The following PLG variants were observed in gnomAD, a reference collection of about 807,000 sequenced individuals.
PLG encodes plasminogen, also known as plasmin.
In PLG, 41 loss-of-function variants were observed where a neutral mutation model predicts 104.4. The observed-to-expected ratio is 0.39, with a 90% confidence interval of 0.31 to 0.51. PLG has a LOEUF of 0.51. Among genes scored for constraint, PLG ranks in the 20% least tolerant of loss-of-function variants. The probability of loss-of-function intolerance (pLI) is 0.76; values close to 1 mark genes in which losing one functional copy is unlikely to be tolerated. For missense variants in PLG, 891 were observed against 1,003.6 expected (o/e 0.89, Z 1.52); for synonymous variants, 337 against 357.1 (o/e 0.94, Z 0.63).
In PLG at chr6:160,752,301, C is replaced by G; in HGVS notation, c.2271+41C>G. On this transcript the variant is annotated intron_variant, in intron 18 of 18. Coordinates refer to ENST00000308192, the MANE Select transcript of PLG (RefSeq NM_000301.5). This position sits in a 1 kb window ranked among gnomAD's most constrained non-coding sequence, Gnocchi z 4.7. ...GAGACCAAAGTTAGTCTTGTGCTCT[C>G]TTGTCTCAGTCTCAGCCCCTCAGAC... 6.3e-7 allele frequency: 1 copy of G among 1,592,660 alleles called. No homozygotes were observed.
chr6:160,713,203 AG>A, intron 5 of PLG, 78 bp downstream of exon 5: 1 of 1,094,126 alleles, frequency 9.1e-7, no homozygotes, highest in South Asian at 1.2e-5. Flanking sequence ...CCCTTCCCAC[AG>A]GGATGTTATT....
chr6:160,705,559 G>C (rs1267662401), intron 1 of PLG: 1 of 152,158 alleles, frequency 6.6e-6, no homozygotes, highest in Non-Finnish European at 1.5e-5. Context: ...CTTCTTTGTT[G>C]GGGAGCTTCT....
chr6:160,740,243 G>A lies in PLG; in HGVS notation c.2018+1035G>A, dbSNP rs1170621242. 6.6e-6 allele frequency among the ~76,000 whole-genome samples: 1 copy of A among 152,182 alleles called. No homozygotes were observed. Among genetic ancestry groups the A allele is most frequent in the Non-Finnish European group, 1.5e-5 (1 of 68,018 alleles). On this transcript the variant is annotated intron_variant, in intron 16 of 18. Coordinates refer to ENST00000308192, the MANE Select transcript of PLG (RefSeq NM_000301.5). This position sits in a 1 kb window ranked among gnomAD's most constrained non-coding sequence, Gnocchi z 5.2. ...GCTCTGACACTCTAGAAGGAGAGAA[G>A]AGCCTTTCCAGCTCAGCCTTTATAA...
chr6:160,713,059 G>C lies in PLG; in HGVS notation c.481G>C (p.Gly161Arg). ...YCRNPDNDPQ[G>R]PWCYTTDPEK... ...CAGGAATCCAGACAACGATCCGCAGGGGCCCTGGTGCTATACTACTGATCC... is the reference window on the plus strand; with the variant it reads ...CAGGAATCCAGACAACGATCCGCAGCGGCCCTGGTGCTATACTACTGATCC... The change falls in exon 5 of 19, where the codon GGG (glycine) becomes CGG (arginine). Residue 161 changes from glycine to arginine, a missense_variant. By Grantham distance (125) the Gly-to-Arg change is moderately radical. Around this residue, in one of 2 missense-constraint regions of PLG, gnomAD observed 854 missense variants for 932.1 expected, o/e 0.92. Transcript: ENST00000308192. The C allele has an allele frequency of 6.2e-7, 1 of 1,608,674 alleles. No individual in the cohort carries two copies. The highest frequency in any genetic ancestry group is 2.2e-5 in the East Asian group (1 of 44,854).
intron 17 of PLG, among the ~76,000 whole-genome samples, chr6:160,743,150 T>G (rs1481339122): frequency 1.3e-5 from 2 of 152,160 alleles, no homozygotes; most frequent in African/African-American, 4.8e-5. Flanking sequence ...GGCTCCTTTT[T>G]GGTTATATAT....
At position 160,720,410 on chromosome 6, in the gene PLG, C is replaced by CTTTTTTTT. The variant is rs3057066; in HGVS notation, c.1096+1592_1096+1599dup. On this transcript the variant is annotated intron_variant, in intron 9 of 18. Coordinates refer to ENST00000308192, the MANE Select transcript of PLG (RefSeq NM_000301.5). ...TCTTTTCTCTTTTTTCTTTTCTTTT[C>CTTTTTTTT]TTTTTTTTTTTTTTTTTTTTTTTTT... Among the ~76,000 whole-genome samples, 440 of 58,530 alleles carry CTTTTTTTT rather than the reference C, an allele frequency of 7.5e-3. 96 individuals are homozygous for CTTTTTTTT. Among genetic ancestry groups the CTTTTTTTT allele is most frequent in the Middle Eastern group, 0.018 (1 of 56 alleles). The allele number at this position is 58,530 out of a possible 152,430, so 38.4% of individuals were successfully genotyped here.
chr6:160,714,796 G>A lies in PLG; in HGVS notation c.550G>A (p.Glu184Lys). ...TCCTTCCTTCCCACTCTGTCCAGAG[G>A]AATGTATGCATTGCAGTGGAGAAAA... ...DYCDILECEE[E>K]CMHCSGENYD... Residue 184 changes from glutamate to lysine, a missense_variant and splice_region_variant, in exon 6 of 19, where the codon GAA (glutamate) becomes AAA (lysine). Around this residue, in one of 2 missense-constraint regions of PLG, gnomAD observed 854 missense variants for 932.1 expected, o/e 0.92. Transcript: ENST00000308192. 6.2e-7 allele frequency: 1 copy of A among 1,613,652 alleles called. No homozygotes were observed. The highest frequency in any genetic ancestry group is 8.5e-7 in the Non-Finnish European group (1 of 1,179,694).
At chr6:160,714,747 T>C in intron 5 of PLG, 47 bp from the exon 6 acceptor site, 1 of 1,605,688 alleles carries the variant, frequency 6.2e-7, no homozygotes. Flanking sequence ...GCTTCATCCA[T>C]TTCAGTTTTC....
Position 160,739,775 on chromosome 6 carries a change from C to CA in PLG, c.2018+574dup, listed in dbSNP as rs1256178757. The stretch of plus-strand genomic sequence containing the variant: ...GACACTGTACCAAAAAAAAAAACAC[C>CA]AAAAAAACAAAAAACAAACAAAAAA... On this transcript the variant is annotated intron_variant, in intron 16 of 18. Transcript: ENST00000308192. The surrounding 1 kb of genome is among the most constrained non-coding windows in gnomAD (Gnocchi z 4.4). 2.9e-5 allele frequency among the ~76,000 whole-genome samples: 4 copies of CA among 140,260 alleles called. No homozygotes were observed. In the South Asian group the frequency reaches 9.1e-4, roughly 32 times the overall value. The allele number at this position is 140,260 out of a possible 152,430, so 92.0% of individuals were successfully genotyped here.
Position 160,752,901 on chromosome 6 carries a change from G to T in PLG, c.2273G>T (p.Gly758Val). Reference sequence around the variant, plus strand: ...GCATTTTTCTCTCCCTCTGTATAGGGTGACAGTGGAGGTCCTCTGGTTTGC... The same window carrying T: ...GCATTTTTCTCTCCCTCTGTATAGGTTGACAGTGGAGGTCCTCTGGTTTGC... ...HLAGGTDSCQ[G>V]DSGGPLVCFE... Residue 758 changes from glycine to valine, a missense_variant and splice_region_variant, in exon 19 of 19, where the codon GGT (glycine) becomes GTT (valine). Coordinates refer to ENST00000308192, the MANE Select transcript of PLG (RefSeq NM_000301.5). This position sits in a 1 kb window ranked among gnomAD's most constrained non-coding sequence, Gnocchi z 4.7. 1.9e-6 allele frequency: 3 copies of T among 1,613,706 alleles called. No homozygotes were observed. The highest frequency in any genetic ancestry group is 2.5e-6 in the Non-Finnish European group (3 of 1,179,632).
intron 17 of PLG, among the ~76,000 whole-genome samples, chr6:160,745,462 T>C (rs372235705): frequency 6.6e-6 from 1 of 152,228 alleles, no homozygotes. Context: ...GAAATTAGGA[T>C]GGCAACCCTT....
In PLG at chr6:160,732,128, G is replaced by T. The variant is rs1173823638; in HGVS notation, c.1587+235G>T. Among the ~76,000 whole-genome samples, 7 of 152,184 alleles carry T rather than the reference G, an allele frequency of 4.6e-5. No individual in the cohort carries two copies. In the East Asian group the frequency reaches 1.3e-3, roughly 29 times the overall value. ...CCTCCACACATGTGAGGGTTCTCAG[G>T]CCTCTTCCCTTTAGTGACATTTCTT... On this transcript the variant is annotated intron_variant, in intron 12 of 18. Coordinates refer to ENST00000308192, the MANE Select transcript of PLG (RefSeq NM_000301.5). The surrounding 1 kb of genome is among the most constrained non-coding windows in gnomAD (Gnocchi z 4.5).
chr6:160,728,968 A>C (rs1410773074), intron 10 of PLG, among the ~76,000 whole-genome samples: 1 of 152,210 alleles, frequency 6.6e-6, no homozygotes, highest in African/African-American at 2.4e-5. Flanking sequence ...TCAGTAGGTA[A>C]GTAACAGACT....
chr6:160,737,104 G>C lies in PLG; in HGVS notation c.1802+97G>C, dbSNP rs1401948511. On this transcript the variant is annotated intron_variant, in intron 14 of 18. Coordinates refer to ENST00000308192, the MANE Select transcript of PLG (RefSeq NM_000301.5). This position sits in a 1 kb window ranked among gnomAD's most constrained non-coding sequence, Gnocchi z 4.7. Reference sequence around the variant, plus strand: ...TAAAATCCACACAGCTGAGGCATCAGCACCTGCCTCTAAGTTTTCTGAAGG... The same window carrying C: ...TAAAATCCACACAGCTGAGGCATCACCACCTGCCTCTAAGTTTTCTGAAGG... 2.0e-6 allele frequency: 3 copies of C among 1,509,382 alleles called. No individual in the cohort carries two copies. The highest frequency in any genetic ancestry group is 1.8e-5 in the Admixed American group (1 of 55,382). 93.5% of individuals were successfully genotyped at this position (1,509,382 alleles called of 1,614,324 possible). A position where few individuals can be genotyped will look rare whatever the true frequency, so the allele number is the denominator to read the frequency against.
chr6:160,733,863 A>G (rs1778042980), intron 12 of PLG, 132 bp from the exon 13 acceptor site: 2 of 485,752 alleles, frequency 4.1e-6, no homozygotes, highest in South Asian at 3.6e-5. Flanking sequence ...AAAAAAAAAA[A>G]AAAAAGAAGG....
intron 9 of PLG, among the ~76,000 whole-genome samples, chr6:160,721,125 C>T (rs991679191): frequency 6.6e-6 from 1 of 152,090 alleles, no homozygotes; most frequent in African/African-American, 2.4e-5. Context: ...TACTGTCCAC[C>T]GTTACAACAA....
chr6:160,716,543 T>G (rs1562374119), intron 6 of PLG, 102 bp from the exon 7 acceptor site: 1 of 790,306 alleles, frequency 1.3e-6, no homozygotes, highest in Non-Finnish European at 2.3e-6. Flanking sequence ...CATGCCCGAC[T>G]GTGCCTAGCA....
rs777552429 is a variant in PLG, at chr6:160,731,115, G to A, written c.1321G>A (p.Asp441Asn). The A allele has an allele frequency of 6.2e-7, 1 of 1,614,066 alleles. No homozygotes were observed. Among genetic ancestry groups the A allele is most frequent in the Non-Finnish European group, 8.5e-7 (1 of 1,179,950 alleles). Residue 441 changes from aspartate (D) to asparagine (N), a missense_variant, in exon 11 of 19, where the codon GAC becomes AAC. Physicochemically the swap from Asp to Asn is conservative, Grantham distance 23. Around this residue, in one of 2 missense-constraint regions of PLG, gnomAD observed 854 missense variants for 932.1 expected, o/e 0.92. Transcript: ENST00000308192. The surrounding 1 kb of genome is among the most constrained non-coding windows in gnomAD (Gnocchi z 5.1). ...ADKGPWCFTT[D>N]PSVRWEYCNL... Reference sequence around the variant, plus strand: ...TAAAGGCCCCTGGTGTTTTACCACAGACCCCAGCGTCAGGTGGGAGTACTG... The same window carrying A: ...TAAAGGCCCCTGGTGTTTTACCACAAACCCCAGCGTCAGGTGGGAGTACTG...
rs532591218 is a variant in PLG at position 160,737,497 on chromosome 6, G to A, written c.1802+490G>A. 3.8e-4 allele frequency among the ~76,000 whole-genome samples: 58 copies of A among 152,196 alleles called. No individual in the cohort carries two copies. The highest frequency in any genetic ancestry group is 9.8e-4 in the Admixed American group (15 of 15,292). On this transcript the variant is annotated intron_variant, in intron 14 of 18. Coordinates refer to ENST00000308192, the MANE Select transcript of PLG (RefSeq NM_000301.5). The surrounding 1 kb of genome is among the most constrained non-coding windows in gnomAD (Gnocchi z 4.7). ...CAATGCAGAGGCTACTCATCCATTC[G>A]CAAACAAAAAAATTCTAGGTCATGA...
Sources: gnomAD v4.1 joint callset for allele counts (sites outside exome capture counted in the v4.1 genomes callset) on GRCh38, gnomAD v4.1.1 for gene constraint, gnomAD v4.1.1 regional missense constraint, Gnocchi (gnomAD v3.1) non-coding constraint, MANE v1.5 for transcripts, NCBI Gene and HGNC (gene_info 2026-07-23, HGNC 2026-07-21) for gene names.